The following RBM41 variants were observed in gnomAD, a reference collection of about 807,000 sequenced individuals.
The protein encoded by RBM41 is RNA-binding protein 41.
RBM41 carries 14 observed loss-of-function variants against 30.8 expected under a neutral mutation model. That is an observed-to-expected ratio of 0.45 (90% CI 0.30 to 0.71). The LOEUF (loss-of-function observed/expected upper bound fraction) is 0.71. Among genes scored for constraint, RBM41 ranks in the 30% least tolerant of loss-of-function variants. RBM41 has a pLI of 0.08. For missense variants in RBM41, 276 were observed against 326.3 expected (o/e 0.85, Z 1.19); for synonymous variants, 120 against 110.1 (o/e 1.09, Z -0.56).
intron 6 of RBM41, among the ~76,000 whole-genome samples, chrX:107,079,678 T>C (rs1456501699): frequency 8.9e-6 from 1 of 112,153 alleles, no homozygotes; most frequent in Non-Finnish European, 1.9e-5. Flanking sequence ...CTTTGTGCTA[T>C]GTAGTTTAAT....
At chrX:107,053,356 C>T in the RBM41 span, among the ~76,000 whole-genome samples, 2 of 113,045 alleles carry the variant, frequency 1.8e-5, no homozygotes, top group Non-Finnish European at 1.9e-5. Flanking sequence ...GCAGACTATT[C>T]GTGTGGGAGG....
intron 2 of RBM41, among the ~76,000 whole-genome samples, chrX:107,116,429 G>C (rs1205687925): frequency 8.9e-6 from 1 of 111,797 alleles, no homozygotes; most frequent in Non-Finnish European, 1.9e-5. Flanking sequence ...GGGAAATATG[G>C]GATGCTGTAG....
intron 6 of RBM41, among the ~76,000 whole-genome samples, chrX:107,086,219 T>C (rs1462680153): frequency 9.0e-6 from 1 of 111,647 alleles, no homozygotes; most frequent in African/African-American, 3.3e-5. Context: ...TGAAACCCTG[T>C]TACATTAGAA....
intron 6 of RBM41, among the ~76,000 whole-genome samples, chrX:107,083,397 T>C (rs372320602): frequency 1.8e-4 from 20 of 111,366 alleles, no homozygotes; most frequent in East Asian, 8.4e-4. Flanking sequence ...CTGGTATTTA[T>C]CCTGCTTGGT....
the RBM41 span, among the ~76,000 whole-genome samples, chrX:107,053,954 T>C: frequency 9.0e-6 from 1 of 111,255 alleles, no homozygotes; most frequent in Non-Finnish European, 1.9e-5. Flanking sequence ...GCAGTGAAGG[T>C]GGAGTTTCCC....
Position 107,069,312 on chromosome X carries a change from T to C in RBM41, c.1090A>G (p.Ile364Val), listed in dbSNP as rs1266518926. Residue 364 changes from isoleucine to valine, a missense_variant, in exon 7 of 8, where the codon ATT (isoleucine) becomes GTT (valine). By Grantham distance (29) the Ile-to-Val change is conservative. Transcript: ENST00000685964. The stretch of plus-strand genomic sequence containing the variant: ...CGTCCAGTCATCATTCGGAATTGAA[T>C]TGGAGGTCCTTTTTTCTCCTGGAAC... ...ARFQEKKGPP[I>V]QFRMMTGRMR... 4 of 1,210,653 alleles carry C rather than the reference T, an allele frequency of 3.3e-6. No individual in the cohort carries two copies. Among genetic ancestry groups the C allele is most frequent in the South Asian group, 1.8e-5 (1 of 56,846 alleles).
intron 6 of RBM41, among the ~76,000 whole-genome samples, chrX:107,082,925 G>T (rs1239509467): frequency 9.0e-6 from 1 of 111,053 alleles, no homozygotes; most frequent in African/African-American, 3.3e-5. Context: ...AATTTGAAAA[G>T]TTTTATTCTA....
At chrX:107,079,337 C>G (rs925350065) in intron 6 of RBM41, among the ~76,000 whole-genome samples, 1 of 111,877 alleles carries the variant, frequency 8.9e-6, no homozygotes, top group African/African-American at 3.2e-5. Context: ...CAGTGAGAAA[C>G]CTGGCCCCCG....
intron 4 of RBM41, 112 bp from the exon 5 acceptor site, chrX:107,113,580 C>T: frequency 1.1e-6 from 1 of 879,463 alleles, no homozygotes; most frequent in Non-Finnish European, 1.5e-6. Flanking sequence ...TACATGTATT[C>T]TCTCACTTAA....
intron 4 of RBM41, among the ~76,000 whole-genome samples, chrX:107,113,974 C>T (rs1924700401): frequency 9.0e-6 from 1 of 111,589 alleles, no homozygotes; most frequent in Non-Finnish European, 1.9e-5. Flanking sequence ...GTCTCCTCAA[C>T]ATCTGCATTT....
At chrX:107,078,065 C>T (rs1485842532) in intron 6 of RBM41, among the ~76,000 whole-genome samples, 1 of 111,292 alleles carries the variant, frequency 9.0e-6, no homozygotes, top group African/African-American at 3.3e-5. Context: ...GGTTACATTA[C>T]ATTTAGACTG....
At chrX:107,072,638 A>G (rs1445885558) in intron 6 of RBM41, among the ~76,000 whole-genome samples, 1 of 111,643 alleles carries the variant, frequency 9.0e-6, no homozygotes, top group Non-Finnish European at 1.9e-5. Flanking sequence ...GAAAAAGAAA[A>G]AAAATCTTAA....
chrX:107,086,349 GGA>G (rs1922035751), intron 6 of RBM41, among the ~76,000 whole-genome samples: 1 of 110,853 alleles, frequency 9.0e-6, no homozygotes, highest in African/African-American at 3.3e-5. Context: ...GGAACTTGTT[GGA>G]AATGCAAATT....
intron 5 of RBM41, among the ~76,000 whole-genome samples, chrX:107,107,783 G>A (rs760939530): frequency 9.0e-6 from 1 of 110,982 alleles, no homozygotes; most frequent in Non-Finnish European, 1.9e-5. Context: ...GGGGCTGACA[G>A]ATTGGGAGAA....
chrX:107,084,375 T>TATGAG (rs769354625), intron 6 of RBM41, among the ~76,000 whole-genome samples: 19 of 111,152 alleles, frequency 1.7e-4, no homozygotes, highest in African/African-American at 5.9e-4. Flanking sequence ...TTTTCTCTCT[T>TATGAG]AGATGAGACA....
At chrX:107,054,573 G>A in the RBM41 span, among the ~76,000 whole-genome samples, 20,252 of 111,002 alleles carry the variant, frequency 0.18, 1,911 homozygotes, top group Non-Finnish European at 0.27. Context: ...GTATATAATG[G>A]TCTGGCTATT....
Position 107,069,368 on chromosome X carries a change from G to A in RBM41, c.1034C>T (p.Thr345Ile). 8.3e-7 allele frequency: 1 copy of A among 1,206,050 alleles called. No homozygotes were observed. The highest frequency in any genetic ancestry group is 1.1e-6 in the Non-Finnish European group (1 of 891,229). ...GAACAATGACACAAGATCTCTTTCA[G>A]TCACCCGAGGGCTAAGGTTCTTCAG... ...LYLKNLSPRV[T>I]ERDLVSLFAR... The change falls in exon 7 of 8, where the codon ACT becomes ATT. Residue 345 changes from threonine to isoleucine, a missense_variant. Physicochemically the swap from Thr to Ile is moderately conservative, Grantham distance 89. Transcript: ENST00000685964.
At chrX:107,067,872 T>C (rs1935904352) in intron 7 of RBM41, among the ~76,000 whole-genome samples, 179 bp from the exon 8 acceptor site, 1 of 111,722 alleles carries the variant, frequency 9.0e-6, no homozygotes, top group Non-Finnish European at 1.9e-5. Context: ...ATTAAATTAA[T>C]GGCAAAAATA....
intron 5 of RBM41, among the ~76,000 whole-genome samples, chrX:107,095,742 G>C (rs1364548265): frequency 1.8e-5 from 2 of 111,758 alleles, no homozygotes; most frequent in Non-Finnish European, 3.8e-5. Flanking sequence ...GCTGGGTGTG[G>C]TGGCTCATAC....
Sources: gnomAD v4.1 joint callset for allele counts (sites outside exome capture counted in the v4.1 genomes callset) on GRCh38, gnomAD v4.1.1 for gene constraint, MANE v1.5 for transcripts, NCBI Gene and HGNC (gene_info 2026-07-23, HGNC 2026-07-21) for gene names.